DENND2A: variants seen among roughly 807,000 people sequenced by gnomAD.
DENND2A encodes the protein DENN domain-containing protein 2A.
Under a neutral mutation model 105.3 loss-of-function variants are expected in DENND2A, and 53 were observed. The observed-to-expected ratio is 0.50, with a 90% confidence interval of 0.40 to 0.63. The LOEUF (loss-of-function observed/expected upper bound fraction) is 0.63. Ranked by LOEUF, DENND2A falls within the 30% of genes least tolerant of loss-of-function variation. DENND2A has a pLI of 0.00. For missense variants in DENND2A, 1,138 were observed against 1,279.6 expected (o/e 0.89, Z 1.69); for synonymous variants, 522 against 508.4 (o/e 1.03, Z -0.36).
chr7:140,545,304 C>A (rs1016670252), intron 13 of DENND2A, among the ~76,000 whole-genome samples: 2 of 152,168 alleles, frequency 1.3e-5, no homozygotes, highest in African/African-American at 2.4e-5. Flanking sequence ...CTGACACCAT[C>A]CCACTCCATT....
In DENND2A at chr7:140,601,748, A is replaced by G; in HGVS notation, c.650T>C (p.Val217Ala). Residue 217 changes from valine (V) to alanine (A), a missense_variant, in exon 3 of 20, where the codon GTC becomes GCC. By Grantham distance (64) the Val-to-Ala change is moderately conservative. Around this residue, in one of 2 missense-constraint regions of DENND2A, gnomAD observed 511 missense variants for 499.9 expected, o/e 1.02. Transcript: ENST00000496613. ...CCTGCCTTCCAGGTCCGAGGGGTGG[A>G]CCCTCTGGCTGACTTCTGAGCCACT... is the stretch of plus-strand genomic sequence containing the variant. ...GGSGSEVSQR[V>A]HPSDLEGREP... 6.2e-7 allele frequency: 1 copy of G among 1,612,792 alleles called. No homozygotes were observed. Among genetic ancestry groups the G allele is most frequent in the Non-Finnish European group, 8.5e-7 (1 of 1,179,714 alleles).
At position 140,567,304 on chromosome 7, in the gene DENND2A, AAGAGAGAGAG is replaced by A. The variant is rs60964847; in HGVS notation, c.1592-41_1592-32del. The A allele has an allele frequency of 1.5e-3, 982 of 659,822 alleles. 2 individuals are homozygous for A. The highest frequency in any genetic ancestry group is 0.013 in the African/African-American group (459 of 36,592). 40.9% of individuals were successfully genotyped at this position (659,822 alleles called of 1,614,324 possible). On this transcript the variant is annotated intron_variant, in intron 8 of 19. Coordinates refer to ENST00000496613, the MANE Select transcript of DENND2A (RefSeq NM_015689.5). ...TGAGGGAGGGAGAGAGAAAGAGAGAAAGAGAGAGAGAGAGAGAGAGAGAGAGAGAGAGAGA... is the reference window on the plus strand; with the variant it reads ...TGAGGGAGGGAGAGAGAAAGAGAGAAAGAGAGAGAGAGAGAGAGAGAGAGA...
intron 11 of DENND2A, 103 bp downstream of exon 11, chr7:140,558,040 C>A: frequency 1.2e-6 from 1 of 861,908 alleles, no homozygotes; most frequent in Non-Finnish European, 1.9e-6. Context: ...TGTGCCTCAT[C>A]AGGGAATCTC....
intron 1 of DENND2A, among the ~76,000 whole-genome samples, chr7:140,632,188 A>G (rs143518431): frequency 2.0e-5 from 3 of 152,294 alleles, no homozygotes; most frequent in African/African-American, 4.8e-5. Context: ...TAATGCTTCA[A>G]AGTTTGCTGG....
At chr7:140,562,416 C>T (rs958177784) in intron 9 of DENND2A, among the ~76,000 whole-genome samples, 5 of 152,144 alleles carry the variant, frequency 3.3e-5, no homozygotes, top group Middle Eastern at 3.4e-3. Flanking sequence ...AATCCCAGCA[C>T]TTTGGGAGGC....
intron 6 of DENND2A, among the ~76,000 whole-genome samples, chr7:140,570,806 T>G (rs1798062169): frequency 6.6e-6 from 1 of 152,224 alleles, no homozygotes; most frequent in African/African-American, 2.4e-5. Context: ...CTGATGCATT[T>G]GAAAGGAGAC....
At chr7:140,583,925 C>T (rs1798659889) in intron 5 of DENND2A, among the ~76,000 whole-genome samples, 3 of 78,298 alleles carry the variant, frequency 3.8e-5, no homozygotes, top group African/African-American at 3.2e-4. Flanking sequence ...GACTCCGTCT[C>T]GAAAAAAAAA....
chr7:140,587,008 C>T (rs1798811785), intron 4 of DENND2A, among the ~76,000 whole-genome samples: 3 of 152,302 alleles, frequency 2.0e-5, no homozygotes, highest in South Asian at 2.1e-4. Context: ...GATGACTGAA[C>T]TCACCAAACT....
intron 3 of DENND2A, among the ~76,000 whole-genome samples, chr7:140,592,231 G>C (rs1250317603): frequency 3.4e-5 from 5 of 148,332 alleles, no homozygotes; most frequent in African/African-American, 1.2e-4. Context: ...TTTTGAGACG[G>C]AGTCTCGCTC....
chr7:140,526,048 C>T (rs534568200), intron 15 of DENND2A, among the ~76,000 whole-genome samples: 1 of 152,128 alleles, frequency 6.6e-6, no homozygotes, highest in Non-Finnish European at 1.5e-5. Context: ...CTGGACTCAC[C>T]GCCTGGCTTT....
intron 1 of DENND2A, among the ~76,000 whole-genome samples, chr7:140,612,544 C>T (rs541576302): frequency 2.6e-5 from 4 of 151,730 alleles, no homozygotes; most frequent in Admixed American, 6.6e-5. Context: ...CTCTGTTGCC[C>T]GATCTGGAGT....
At chr7:140,629,599 G>A (rs1371331333) in intron 1 of DENND2A, among the ~76,000 whole-genome samples, 1 of 152,168 alleles carries the variant, frequency 6.6e-6, no homozygotes, top group East Asian at 1.9e-4. Flanking sequence ...GCCACAGAAT[G>A]TAATGATAAT....
chr7:140,634,240 C>T (rs1034923391), intron 1 of DENND2A, among the ~76,000 whole-genome samples: 3 of 151,984 alleles, frequency 2.0e-5, no homozygotes, highest in Admixed American at 1.3e-4. Context: ...CCTCGTGATC[C>T]GCCTGCCTTG....
At chr7:140,587,181 G>T (rs999484454) in intron 4 of DENND2A, among the ~76,000 whole-genome samples, 1 of 152,178 alleles carries the variant, frequency 6.6e-6, no homozygotes, top group African/African-American at 2.4e-5. Flanking sequence ...AGTAATCCCT[G>T]CAGTTGACTG....
rs750260967 is a variant in DENND2A at position 140,544,570 on chromosome 7, G to C, written c.2327+48C>G. On this transcript the variant is annotated intron_variant, in intron 14 of 19. Transcript: ENST00000496613. ...CTGCTCTACAGACTAGAGGGTCCAAGAGCGACTGTCATTCAAACGCTTTAG... is the reference window on the plus strand; with the variant it reads ...CTGCTCTACAGACTAGAGGGTCCAACAGCGACTGTCATTCAAACGCTTTAG... The C allele has an allele frequency of 4.6e-5, 74 of 1,612,804 alleles. No individual in the cohort carries two copies. In the South Asian group the frequency reaches 7.9e-4, roughly 17 times the overall value.
chr7:140,527,556 A>C lies in DENND2A; in HGVS notation c.2328-61T>G. 1 of 1,491,892 alleles carries C rather than the reference A, an allele frequency of 6.7e-7. No individual in the cohort carries two copies. The highest frequency in any genetic ancestry group is 2.3e-5 in the East Asian group (1 of 43,044). The allele number at this position is 1,491,892 out of a possible 1,614,324, so 92.4% of individuals were successfully genotyped here. On this transcript the variant is annotated intron_variant, in intron 14 of 19. Coordinates refer to ENST00000496613, the MANE Select transcript of DENND2A (RefSeq NM_015689.5). This position sits in a 1 kb window ranked among gnomAD's most constrained non-coding sequence, Gnocchi z 4.9. The stretch of plus-strand genomic sequence containing the variant: ...TCAGCGAGGGCCCGAGGAAGCCTCC[A>C]GGGGAGAAGGCTCCTCCCAGAGACA...
intron 5 of DENND2A, among the ~76,000 whole-genome samples, chr7:140,584,953 C>A (rs536439976): frequency 1.3e-5 from 2 of 152,312 alleles, no homozygotes; most frequent in South Asian, 4.1e-4. Context: ...AATCCCAGCA[C>A]TTTGGGAGGC....
chr7:140,574,142 T>G, intron 5 of DENND2A, 134 bp from the exon 6 acceptor site: 1 of 943,432 alleles, frequency 1.1e-6, no homozygotes. Context: ...AGGTGGAGTT[T>G]GGTTATGCCA....
rs766209410 is a variant in DENND2A at position 140,601,761 on chromosome 7, C to T, written c.637G>A (p.Val213Ile). 5 of 1,614,044 alleles carry T rather than the reference C, an allele frequency of 3.1e-6. No homozygotes were observed. In the South Asian group the frequency reaches 4.4e-5, roughly 14 times the overall value. ...ENLGGGSGSEVSQRVHPSDLE... is the reference protein window; with the variant it reads ...ENLGGGSGSEISQRVHPSDLE... The stretch of plus-strand genomic sequence containing the variant: ...TCCGAGGGGTGGACCCTCTGGCTGA[C>T]TTCTGAGCCACTCCCGCCTCCCAGG... The change falls in exon 3 of 20, where the codon GTC (valine) becomes ATC (isoleucine). Residue 213 changes from valine to isoleucine, a missense_variant. Val to Ile is a conservative substitution (Grantham distance 29, BLOSUM62 3). Transcript: ENST00000496613.
Sources: allele counts gnomAD v4.1 joint callset (sites outside exome capture counted in the v4.1 genomes callset), GRCh38; gene constraint gnomAD v4.1.1; regional missense constraint gnomAD v4.1.1; non-coding constraint Gnocchi (gnomAD v3.1); transcripts MANE v1.5; gene names NCBI Gene and HGNC (gene_info 2026-07-23, HGNC 2026-07-21).